ADAMTS9: variants seen among roughly 807,000 people sequenced by gnomAD.
ADAMTS9 encodes the protein ADAM metallopeptidase with thrombospondin type 1 motif 9, also known as A disintegrin and metalloproteinase with thrombospondin motifs 9.
In ADAMTS9, 107 loss-of-function variants were observed where a neutral mutation model predicts 257.1. The observed-to-expected ratio is 0.42, with a 90% CI of 0.36 to 0.49. The LOEUF is 0.49. ADAMTS9 is among the 20% of genes least tolerant of loss of function. ADAMTS9 has a pLI of 0.03. For synonymous variants in ADAMTS9, 982 were observed against 880.9 expected (o/e 1.11, Z -2.03); for missense variants, 2,353 against 2,469.1 (o/e 0.95, Z 1.00).
In ADAMTS9 at chr3:64,517,416, G is replaced by GTTTTTTTTTTTTTTTTTTTTTTTTTT. The variant is rs755480110; in HGVS notation, c.*6-296_*6-295insAAAAAAAAAAAAAAAAAAAAAAAAAA. Among the ~76,000 whole-genome samples the GTTTTTTTTTTTTTTTTTTTTTTTTTT allele has an allele frequency of 1.1e-3, 56 of 52,670 alleles. 17 individuals carry two copies. Among genetic ancestry groups the GTTTTTTTTTTTTTTTTTTTTTTTTTT allele is most frequent in the South Asian group, 3.1e-3 (2 of 648 alleles). The allele number at this position is 52,670 out of a possible 152,430, so 34.6% of individuals were successfully genotyped here. On this transcript the variant is annotated intron_variant, in intron 39 of 39. Transcript: ENST00000498707. ...CATCAAGCCCAGCTAATTAAAAATG[G>GTTTTTTTTTTTTTTTTTTTTTTTTTT]TTTTTTTTTTTTTTTTTTTTTTTGC...
At position 64,541,394 on chromosome 3, in the gene ADAMTS9, G is replaced by A; in HGVS notation, c.5313C>T (p.His1771=). 1 of 1,614,158 alleles carries A rather than the reference G, an allele frequency of 6.2e-7. No homozygotes were observed. The change falls in exon 35 of 40, where the codon CAC becomes CAT. Residue 1771 remains histidine (H), a synonymous_variant. Transcript: ENST00000498707. ...TCACGTACTCTTTGGGGTGGTCAGA[G>A]TGCATCCCCGCACAGAATATCTGAA... ...KLLKIFCAGM[H]SDHPKEYVTL...
intron 38 of ADAMTS9, among the ~76,000 whole-genome samples, chr3:64,530,379 G>A (rs1272038114): frequency 6.6e-6 from 1 of 152,056 alleles, no homozygotes; most frequent in Admixed American, 6.5e-5. Flanking sequence ...TGGACCACAC[G>A]GGGGAAGTCA....
intron 28 of ADAMTS9, among the ~76,000 whole-genome samples, chr3:64,572,384 TCTTAACCTCTATC>T (rs2083711790): frequency 6.6e-6 from 1 of 152,214 alleles, no homozygotes; most frequent in South Asian, 2.1e-4. Flanking sequence ...GGCCGTCTGT[TCTTAACCTCTATC>T]GAGGGCTCTC....
chr3:64,613,672 C>T (rs2084709841), intron 21 of ADAMTS9, among the ~76,000 whole-genome samples, 163 bp from the exon 22 acceptor site: 1 of 152,040 alleles, frequency 6.6e-6, no homozygotes, highest in South Asian at 2.1e-4. Context: ...TCCTTTTGTT[C>T]GTTCATTTAT....
chr3:64,556,752 T>TCCTTCCTTCCTC (rs1276180644), intron 30 of ADAMTS9, among the ~76,000 whole-genome samples: 37 of 148,346 alleles, frequency 2.5e-4, no homozygotes, highest in Non-Finnish European at 3.7e-4. Flanking sequence ...CTTCCTTCCT[T>TCCTTCCTTCCTC]CCTCCCTCCC....
chr3:64,603,347 T>C (rs1051445169), intron 25 of ADAMTS9, among the ~76,000 whole-genome samples: 3 of 152,158 alleles, frequency 2.0e-5, no homozygotes, highest in African/African-American at 7.2e-5. Context: ...CCTATACTAA[T>C]GTATTTCTTG....
chr3:64,584,514 C>T (rs142448077), intron 28 of ADAMTS9, among the ~76,000 whole-genome samples: 3 of 152,284 alleles, frequency 2.0e-5, no homozygotes, highest in East Asian at 3.9e-4. Flanking sequence ...AGATTAAAAA[C>T]AGCTTCCTAG....
chr3:64,539,438 T>G (rs1310054721), intron 36 of ADAMTS9, 144 bp from the exon 37 acceptor site: 3 of 705,488 alleles, frequency 4.3e-6, no homozygotes, highest in African/African-American at 1.8e-5. Flanking sequence ...GAAATATTAG[T>G]GGGTAAATGG....
chr3:64,574,733 C>G (rs966994873), intron 28 of ADAMTS9, among the ~76,000 whole-genome samples: 2 of 113,652 alleles, frequency 1.8e-5, no homozygotes, highest in Non-Finnish European at 1.8e-5. Flanking sequence ...ACACACACAC[C>G]GCCCCCCTCC....
At chr3:64,571,966 G>A (rs955082138) in intron 28 of ADAMTS9, among the ~76,000 whole-genome samples, 4 of 152,152 alleles carry the variant, frequency 2.6e-5, no homozygotes, top group African/African-American at 9.7e-5. Flanking sequence ...GTCAAATTTA[G>A]TGTGTCACCT....
chr3:64,621,220 C>G lies in ADAMTS9; in HGVS notation c.2707G>C (p.Val903Leu). ...PCQGERKRKL[V>L]CTRESDQLTV... ...AGCTGATCAGATTCCCTGGTGCAAA[C>G]AAGTTTTCGTTTCCGTTCCCCTAAG... The change falls in exon 19 of 40, where the codon GTT (valine) becomes CTT (leucine). Residue 903 changes from valine (V) to leucine (L), a missense_variant. Physicochemically the swap from Val to Leu is conservative, Grantham distance 32. Transcript: ENST00000498707. 1 of 1,613,368 alleles carries G rather than the reference C, an allele frequency of 6.2e-7. No homozygotes were observed. Among genetic ancestry groups the G allele is most frequent in the Middle Eastern group, 1.7e-4 (1 of 6,002 alleles).
intron 28 of ADAMTS9, among the ~76,000 whole-genome samples, chr3:64,590,290 G>A (rs2084237173): frequency 6.6e-6 from 1 of 152,168 alleles, no homozygotes; most frequent in Admixed American, 6.5e-5. Context: ...TCAGATTTGA[G>A]GGAGGGGTTG....
In ADAMTS9 at chr3:64,615,404, T is replaced by C; in HGVS notation, c.3106A>G (p.Lys1036Glu). Residue 1036 changes from lysine (K) to glutamate (E), a missense_variant, in exon 21 of 40, where the codon AAA becomes GAA. Lys to Glu is a moderately conservative substitution (Grantham distance 56, BLOSUM62 1). This residue lies in a region of ADAMTS9 where 1,402 missense variants were observed against 1,441.4 expected (regional missense o/e 0.97). Coordinates refer to ENST00000498707, the MANE Select transcript of ADAMTS9 (RefSeq NM_182920.2). ...NTRNDVLDDSKCTHQEKVTIQ... is the reference protein window; with the variant it reads ...NTRNDVLDDSECTHQEKVTIQ... The stretch of plus-strand genomic sequence containing the variant: ...GTAACTTTCTCTTGATGTGTGCATT[T>C]GCTGTCATCCAGTACATCATTTCGG... The C allele has an allele frequency of 6.2e-7, 1 of 1,614,068 alleles. No homozygotes were observed. Among genetic ancestry groups the C allele is most frequent in the Non-Finnish European group, 8.5e-7 (1 of 1,179,948 alleles).
At position 64,637,238 on chromosome 3, in the gene ADAMTS9, G is replaced by C. The variant is rs954365823; in HGVS notation, c.1857-3359C>G. 7.9e-5 allele frequency among the ~76,000 whole-genome samples: 12 copies of C among 152,042 alleles called. 1 individual carries two copies. Among genetic ancestry groups the C allele is most frequent in the Admixed American group, 7.9e-4 (12 of 15,268 alleles). On this transcript the variant is annotated intron_variant, in intron 12 of 39. Transcript: ENST00000498707. ...CCAACCAAACTCATCTTTCAGCATG[G>C]AAAAAAATCATTTTATAATTTAATT...
intron 31 of ADAMTS9, among the ~76,000 whole-genome samples, chr3:64,549,831 A>G (rs2083247032): frequency 1.3e-5 from 2 of 152,242 alleles, no homozygotes; most frequent in South Asian, 4.1e-4. Flanking sequence ...TCACAGGAAT[A>G]AAGGATAGGG....
chr3:64,535,360 C>G (rs1269220087), intron 37 of ADAMTS9, among the ~76,000 whole-genome samples: 2 of 152,074 alleles, frequency 1.3e-5, no homozygotes, highest in Admixed American at 6.6e-5. Flanking sequence ...GCCTGGGCAA[C>G]AGAGTGAGAT....
intron 26 of ADAMTS9, among the ~76,000 whole-genome samples, chr3:64,599,654 G>T (rs1340460537): frequency 6.6e-6 from 1 of 152,192 alleles, no homozygotes; most frequent in Admixed American, 6.5e-5. Context: ...AATAACTCAA[G>T]AGTGGCAAAG....
Position 64,561,669 on chromosome 3 carries a change from T to TCGG in ADAMTS9, c.4604_4606dup (p.Thr1535_Glu1536insAla). 6.2e-7 allele frequency: 1 copy of TCGG among 1,614,096 alleles called. No homozygotes were observed. The highest frequency in any genetic ancestry group is 2.2e-5 in the East Asian group (1 of 44,862). On this transcript the variant is annotated inframe_insertion, in exon 30 of 40. Transcript: ENST00000498707. ...CTCCGGTCTGGTGTATGGGTTGCAC[T>TCGG]CGGTCTCTCTGGCTATTTTGTGTGT...
chr3:64,664,951 G>A (rs1423366982), intron 3 of ADAMTS9, among the ~76,000 whole-genome samples: 1 of 151,770 alleles, frequency 6.6e-6, no homozygotes, highest in Non-Finnish European at 1.5e-5. Flanking sequence ...TTTCTTTGAG[G>A]GTTCCTCAAA....
Sources: gnomAD v4.1 joint callset for allele counts (sites outside exome capture counted in the v4.1 genomes callset) on GRCh38, gnomAD v4.1.1 for gene constraint, gnomAD v4.1.1 regional missense constraint, MANE v1.5 for transcripts, NCBI Gene and HGNC (gene_info 2026-07-23, HGNC 2026-07-21) for gene names.